WDR1: variants seen among roughly 807,000 people sequenced by gnomAD.
The protein encoded by WDR1 is WD repeat domain 1.
Under a neutral mutation model 71.9 loss-of-function variants are expected in WDR1, and 21 were observed. The ratio of observed to expected loss-of-function variants is 0.29; its 90% CI spans 0.21 to 0.42. The LOEUF (loss-of-function observed/expected upper bound fraction) is 0.42, where lower values mean the gene tolerates loss of function less well. Among genes scored for constraint, WDR1 ranks in the 10% least tolerant of loss-of-function variants. The probability of loss-of-function intolerance (pLI) is 1.00; values close to 1 mark genes in which losing one functional copy is unlikely to be tolerated. For synonymous variants in WDR1, 424 were observed against 347.4 expected, an observed-to-expected ratio of 1.22 and a Z score of -2.45; for missense variants, 696 against 824.5, an observed-to-expected ratio of 0.84 and a Z score of 1.91.
chr4:10,082,943 C>A, intron 10 of WDR1, 79 bp downstream of exon 10: 1 of 1,511,920 alleles, frequency 6.6e-7, no homozygotes, highest in South Asian at 1.3e-5. Context: ...TCCTCCAGAA[C>A]AGTAACTGCT....
chr4:10,104,324 C>G (rs990992421), intron 2 of WDR1, among the ~76,000 whole-genome samples: 6 of 152,078 alleles, frequency 3.9e-5, no homozygotes, highest in Non-Finnish European at 7.4e-5. Context: ...AGCAAGAAGC[C>G]CTGGTTCTAA....
Position 10,077,403 on chromosome 4 carries a change from C to A in WDR1, c.1615G>T (p.Ala539Ser), listed in dbSNP as rs757667878. ...AAGTGTTCATTGTCTGGGGACCAGG[C>A]CAGGCAGACGATTTTTGCATGGTGT... ...YGHHAKIVCL[A>S]WSPDNEHFAS... Residue 539 changes from alanine (A) to serine (S), a missense_variant, in exon 14 of 15, where the codon GCC (alanine) becomes TCC (serine). Physicochemically the swap from Ala to Ser is moderately conservative, Grantham distance 99 (BLOSUM62 1). Coordinates refer to ENST00000499869, the MANE Select transcript of WDR1 (RefSeq NM_017491.5). 1 of 1,613,982 alleles carries A rather than the reference C, an allele frequency of 6.2e-7. No individual in the cohort carries two copies. The highest frequency in any genetic ancestry group is 8.5e-7 in the Non-Finnish European group (1 of 1,179,870).
intron 3 of WDR1, among the ~76,000 whole-genome samples, chr4:10,100,721 C>G (rs781398251): frequency 6.6e-6 from 1 of 152,148 alleles, no homozygotes; most frequent in African/African-American, 2.4e-5. Context: ...CCAAAGGTGA[C>G]CTGGAGATCT....
chr4:10,093,522 G>A (rs1431916582), intron 5 of WDR1, among the ~76,000 whole-genome samples: 3 of 152,258 alleles, frequency 2.0e-5, no homozygotes, highest in Non-Finnish European at 4.4e-5. Context: ...GGGCACGAAG[G>A]AGCTACCCAC....
chr4:10,092,702 C>A, intron 5 of WDR1: 1 of 274,420 alleles, frequency 3.6e-6, no homozygotes. Flanking sequence ...CCGCGAAAAG[C>A]CCATTAACCA....
chr4:10,102,573 T>C (rs567715748), intron 3 of WDR1, among the ~76,000 whole-genome samples: 2 of 152,178 alleles, frequency 1.3e-5, no homozygotes, highest in Non-Finnish European at 2.9e-5. Context: ...CAACGGCCCC[T>C]GCTGTCCAAC....
chr4:10,082,700 G>A (rs564744265), intron 10 of WDR1, among the ~76,000 whole-genome samples: 6 of 152,298 alleles, frequency 3.9e-5, no homozygotes, highest in Non-Finnish European at 7.3e-5. Context: ...CACTGTACCC[G>A]CCTTTACTGA....
At chr4:10,088,855 T>A (rs1018577089) in intron 5 of WDR1, 114 bp from the exon 6 acceptor site, 3 of 820,122 alleles carry the variant, frequency 3.7e-6, no homozygotes, top group Non-Finnish European at 6.1e-6. Flanking sequence ...TGTGAACTGT[T>A]AGTCCACTGG....
chr4:10,114,642 T>G (rs560162823), intron 2 of WDR1, among the ~76,000 whole-genome samples: 1 of 152,362 alleles, frequency 6.6e-6, no homozygotes, highest in East Asian at 1.9e-4. Context: ...AAATATCTCT[T>G]TAGGGTTGTC....
intron 5 of WDR1, among the ~76,000 whole-genome samples, chr4:10,091,021 T>C (rs568478477): frequency 2.0e-5 from 3 of 152,350 alleles, no homozygotes; most frequent in African/African-American, 7.2e-5. Flanking sequence ...TCATGAGCGA[T>C]GGGGCTGGCG....
At chr4:10,104,617 A>G (rs1231983033) in intron 2 of WDR1, among the ~76,000 whole-genome samples, 1 of 152,208 alleles carries the variant, frequency 6.6e-6, no homozygotes, top group South Asian at 2.1e-4. Flanking sequence ...ATCTTCAGCA[A>G]TGAGGTTTCA....
At chr4:10,084,619 A>G in intron 8 of WDR1, 89 bp from the exon 9 acceptor site, 1 of 1,271,802 alleles carries the variant, frequency 7.9e-7, no homozygotes, top group Non-Finnish European at 1.1e-6. Flanking sequence ...CTTCTGGGTA[A>G]TGGAGGGGGC....
chr4:10,074,758 G>A lies in WDR1; in HGVS notation c.*620C>T, dbSNP rs1434499586. The A allele has an allele frequency of 1.3e-5, 2 of 152,336 alleles. No individual in the cohort carries two copies. The highest frequency in any genetic ancestry group is 3.9e-4 in the East Asian group (2 of 5,186). 9.4% of individuals were successfully genotyped at this position (152,336 alleles called of 1,614,324 possible). On this transcript the variant is annotated 3_prime_UTR_variant, in exon 15 of 15. Transcript: ENST00000499869. ...CAGTTAAGATACATTAAAAAAAAAG[G>A]AAAGATACCCACAATTCCATTCTTA...
chr4:10,091,252 CT>C (rs557421732), intron 5 of WDR1, among the ~76,000 whole-genome samples: 6 of 152,214 alleles, frequency 3.9e-5, no homozygotes, highest in Non-Finnish European at 5.9e-5. Flanking sequence ...CCTTTTGTAC[CT>C]TTTTCACTAG....
Position 10,116,163 on chromosome 4 carries a change from T to G in WDR1, c.88A>C (p.Asn30His). The change falls in exon 2 of 15, where the codon AAC becomes CAC. Residue 30 changes from asparagine (N) to histidine (H), a missense_variant. Asn to His is a moderately conservative substitution (Grantham distance 68). Transcript: ENST00000499869. ...TTTCCATTGGTGTACAGAAAATTGT[T>G]GCCCTTAGGGTCGCCGCCGATGATC... ...SKIIGGDPKGNNFLYTNGKCV... is the reference protein window; with the variant it reads ...SKIIGGDPKGHNFLYTNGKCV... 6.2e-7 allele frequency: 1 copy of G among 1,613,730 alleles called. No individual in the cohort carries two copies. Among genetic ancestry groups the G allele is most frequent in the Non-Finnish European group, 8.5e-7 (1 of 1,179,830 alleles).
chr4:10,109,889 T>C (rs1713245848), intron 2 of WDR1, among the ~76,000 whole-genome samples: 1 of 152,190 alleles, frequency 6.6e-6, no homozygotes, highest in African/African-American at 2.4e-5. Flanking sequence ...CAGAGGTCCC[T>C]GCCAGGGCCC....
intron 5 of WDR1, among the ~76,000 whole-genome samples, chr4:10,089,499 G>A (rs966601088): frequency 4.7e-5 from 7 of 147,674 alleles, no homozygotes; most frequent in Non-Finnish European, 9.2e-5. Context: ...TTCCAGGGGC[G>A]ACTCTGTTAC....
chr4:10,116,715 G>A lies in WDR1; in HGVS notation c.-49C>T, dbSNP rs1333742841. On this transcript the variant is annotated 5_prime_UTR_variant, in exon 1 of 15. Transcript: ENST00000499869. ...GCGCTCGCCGAGAGCCTCCGGGGCC[G>A]GCCCGCGCTGCGAATTACACCTCGC... 3.0e-6 allele frequency: 4 copies of A among 1,318,910 alleles called. No homozygotes were observed. Among genetic ancestry groups the A allele is most frequent in the South Asian group, 1.9e-5 (1 of 51,742 alleles). 81.7% of individuals were successfully genotyped at this position (1,318,910 alleles called of 1,614,324 possible). A position where few individuals can be genotyped will look rare whatever the true frequency, so the allele number is the denominator to read the frequency against.
In WDR1 at chr4:10,116,121, T is replaced by G. The variant is rs2108812340; in HGVS notation, c.130A>C (p.Asn44His). The change falls in exon 2 of 15, where the codon AAC becomes CAC. Residue 44 changes from asparagine (N) to histidine (H), a missense_variant. Asn to His is a moderately conservative substitution (Grantham distance 68). Coordinates refer to ENST00000499869, the MANE Select transcript of WDR1 (RefSeq NM_017491.5). The part of the protein sequence containing the change: ...YTNGKCVILR[N>H]IDNPALADIY... The stretch of plus-strand genomic sequence containing the variant: ...GGGTAGGGGGTACTCACGTCGATGT[T>G]CCTTAGGATGACGCACTTTCCATTG... 2 of 1,613,340 alleles carry G rather than the reference T, an allele frequency of 1.2e-6. No individual in the cohort carries two copies. Among genetic ancestry groups the G allele is most frequent in the Non-Finnish European group, 1.7e-6 (2 of 1,179,612 alleles).
Sources: gnomAD v4.1 joint callset for allele counts (sites outside exome capture counted in the v4.1 genomes callset) on GRCh38, gnomAD v4.1.1 for gene constraint, MANE v1.5 for transcripts, NCBI Gene and HGNC (gene_info 2026-07-23, HGNC 2026-07-21) for gene names.